CABLES1: variants seen among roughly 807,000 people sequenced by gnomAD.
The protein encoded by CABLES1 is CDK5 and ABL1 enzyme substrate 1.
In CABLES1, 36 loss-of-function variants were observed where a neutral mutation model predicts 57.8. The observed-to-expected ratio is 0.62, with a 90% CI of 0.48 to 0.82. The LOEUF (loss-of-function observed/expected upper bound fraction) is 0.82, where lower values mean the gene tolerates loss of function less well. Among genes scored for constraint, CABLES1 ranks in the 40% least tolerant of loss-of-function variants. The probability of loss-of-function intolerance (pLI) is 0.00; values close to 1 mark genes in which losing one functional copy is unlikely to be tolerated. For missense variants in CABLES1, 767 were observed against 836.6 expected (o/e 0.92, Z 1.03); for synonymous variants, 374 against 363.0 (o/e 1.03, Z -0.35).
At chr18:23,154,679 G>C (rs1184406055) in intron 1 of CABLES1, among the ~76,000 whole-genome samples, 1 of 152,144 alleles carries the variant, frequency 6.6e-6, no homozygotes, top group Non-Finnish European at 1.5e-5. Context: ...TGTCAGCAAG[G>C]GATTTGAACT....
At chr18:23,156,952 T>C (rs955089907) in intron 1 of CABLES1, among the ~76,000 whole-genome samples, 7 of 152,180 alleles carry the variant, frequency 4.6e-5, no homozygotes, top group African/African-American at 1.7e-4. Context: ...AAGAATGAGC[T>C]GAGAGAAGGC....
chr18:23,237,861 G>A, intron 7 of CABLES1, among the ~76,000 whole-genome samples: 1 of 152,262 alleles, frequency 6.6e-6, no homozygotes, highest in Middle Eastern at 3.2e-3. Flanking sequence ...GGGCCTGGCG[G>A]GGCCCTGGGC....
At chr18:23,174,623 C>T (rs1016676404) in intron 1 of CABLES1, among the ~76,000 whole-genome samples, 6 of 151,570 alleles carry the variant, frequency 4.0e-5, no homozygotes, top group Non-Finnish European at 8.8e-5. Flanking sequence ...AGGCACCCAC[C>T]ACCACACCCG....
intron 1 of CABLES1, among the ~76,000 whole-genome samples, chr18:23,137,027 CGT>C (rs2046827683): frequency 6.6e-6 from 1 of 152,210 alleles, no homozygotes; most frequent in Admixed American, 6.6e-5. Flanking sequence ...CTGAGCGGCG[CGT>C]GTGAGCCTGA....
rs111921025 is a variant in CABLES1 at position 23,189,159 on chromosome 18, G to A, written c.917+250G>A. 2.1e-3 allele frequency: 884 copies of A among 430,052 alleles called. 5 individuals carry two copies. The highest frequency in any genetic ancestry group is 3.0e-3 in the Non-Finnish European group (708 of 239,032). 26.6% of individuals were successfully genotyped at this position (430,052 alleles called of 1,614,324 possible). ...ATTTGGGTGCTTTTCTTTCCGTGGC[G>A]CCTCTTCATTTTGTAAACTGCTGCT... On this transcript the variant is annotated intron_variant, in intron 2 of 9. Transcript: ENST00000256925.
chr18:23,181,008 G>T (rs559713599), intron 1 of CABLES1, among the ~76,000 whole-genome samples: 1 of 152,164 alleles, frequency 6.6e-6, no homozygotes, highest in Admixed American at 6.5e-5. Flanking sequence ...GCTCCTTGAG[G>T]CTTGGTGACT....
At chr18:23,237,118 T>C (rs2047624276) in intron 6 of CABLES1, 24 bp from the exon 7 acceptor site, 1 of 1,398,640 alleles carries the variant, frequency 7.1e-7, no homozygotes, top group South Asian at 1.2e-5. Context: ...AATTATCATT[T>C]TGCATTTTGC....
intron 1 of CABLES1, among the ~76,000 whole-genome samples, chr18:23,159,050 C>A (rs2046984285): frequency 1.3e-5 from 2 of 152,206 alleles, no homozygotes. Context: ...ACTGTAACCG[C>A]CACCTCTTGA....
In CABLES1 at chr18:23,257,792, T is replaced by G; in HGVS notation, c.*425T>G. The G allele has an allele frequency of 6.3e-6, 1 of 158,272 alleles. No homozygotes were observed. Among genetic ancestry groups the G allele is most frequent in the Non-Finnish European group, 1.4e-5 (1 of 72,474 alleles). The allele number at this position is 158,272 out of a possible 1,614,324, so 9.8% of individuals were successfully genotyped here. A position where few individuals can be genotyped will look rare whatever the true frequency, so the allele number is the denominator to read the frequency against. On this transcript the variant is annotated 3_prime_UTR_variant, in exon 10 of 10. Transcript: ENST00000256925. Reference sequence around the variant, plus strand: ...AAGTTGGGGGAAAACTTTTAAAAGATACCCTCATTGTGTCAAAGAGTGTGC... The same window carrying G: ...AAGTTGGGGGAAAACTTTTAAAAGAGACCCTCATTGTGTCAAAGAGTGTGC...
intron 1 of CABLES1, among the ~76,000 whole-genome samples, chr18:23,178,495 G>A (rs1185783836): frequency 6.6e-6 from 1 of 152,246 alleles, no homozygotes; most frequent in Non-Finnish European, 1.5e-5. Context: ...GCGGCCAGGT[G>A]TGCTGTGTCT....
chr18:23,206,734 TGAA>T (rs1420985163), intron 3 of CABLES1, among the ~76,000 whole-genome samples: 1 of 152,200 alleles, frequency 6.6e-6, no homozygotes, highest in Non-Finnish European at 1.5e-5. Context: ...TTGCCTTGTG[TGAA>T]TATTTTTTAA....
intron 1 of CABLES1, among the ~76,000 whole-genome samples, chr18:23,145,203 C>G (rs868161799): frequency 2.0e-5 from 3 of 152,148 alleles, no homozygotes; most frequent in Admixed American, 1.3e-4. Flanking sequence ...TTCCAAAGTG[C>G]TGGGATTACA....
chr18:23,224,114 C>CT (rs879709419), intron 4 of CABLES1, among the ~76,000 whole-genome samples: 2,961 of 136,928 alleles, frequency 0.022, 54 homozygotes, highest in African/African-American at 0.051. Flanking sequence ...TCGGCTTCCA[C>CT]TTTTTTTTTT....
At chr18:23,250,590 CAG>C (rs2048014297) in intron 7 of CABLES1, among the ~76,000 whole-genome samples, 1 of 152,202 alleles carries the variant, frequency 6.6e-6, no homozygotes, top group Non-Finnish European at 1.5e-5. Flanking sequence ...AGGGCTGCCA[CAG>C]GGGTCCACTC....
chr18:23,202,530 A>C (rs1436021411), intron 3 of CABLES1, among the ~76,000 whole-genome samples: 1 of 152,206 alleles, frequency 6.6e-6, no homozygotes, highest in Non-Finnish European at 1.5e-5. Flanking sequence ...TGAGAACCCT[A>C]CTTGTGTGCC....
intron 1 of CABLES1, among the ~76,000 whole-genome samples, chr18:23,139,690 C>G (rs963045611): frequency 1.3e-5 from 2 of 152,154 alleles, no homozygotes; most frequent in African/African-American, 4.8e-5. Context: ...GATTCTTTCA[C>G]AGGTGAGGAG....
chr18:23,191,941 A>G (rs1194526127), intron 2 of CABLES1, among the ~76,000 whole-genome samples: 2 of 108,178 alleles, frequency 1.8e-5, no homozygotes, highest in Middle Eastern at 5.7e-3. Context: ...AAAAAAAAAA[A>G]GGCAACACAA....
intron 3 of CABLES1, among the ~76,000 whole-genome samples, chr18:23,203,952 G>C (rs1045208823): frequency 2.0e-5 from 3 of 152,080 alleles, no homozygotes; most frequent in East Asian, 3.8e-4. Flanking sequence ...CTTTATCCTT[G>C]TCATCATCGG....
intron 2 of CABLES1, among the ~76,000 whole-genome samples, chr18:23,193,743 G>A (rs1214855348): frequency 6.6e-6 from 1 of 152,056 alleles, no homozygotes; most frequent in Non-Finnish European, 1.5e-5. Context: ...AGGTCTCCTT[G>A]GCCTATGGTC....
Sources: gnomAD v4.1 joint callset for allele counts (sites outside exome capture counted in the v4.1 genomes callset) on GRCh38, gnomAD v4.1.1 for gene constraint, MANE v1.5 for transcripts, NCBI Gene and HGNC (gene_info 2026-07-23, HGNC 2026-07-21) for gene names.